PRKG1: variants seen among roughly 807,000 people sequenced by gnomAD.
PRKG1 encodes protein kinase cGMP-dependent 1.
Under a neutral mutation model 88.1 loss-of-function variants are expected in PRKG1, and 35 were observed. The observed-to-expected ratio is 0.40, with a 90% confidence interval of 0.30 to 0.53. The LOEUF is 0.53. Among genes scored for constraint, PRKG1 ranks in the 20% least tolerant of loss-of-function variants. PRKG1 has a pLI of 0.59. For synonymous variants in PRKG1, 303 were observed against 292.5 expected, an observed-to-expected ratio of 1.04 and a Z score of -0.37; for missense variants, 540 against 839.8, an observed-to-expected ratio of 0.64 and a Z score of 4.41.
intron 3 of PRKG1, among the ~76,000 whole-genome samples, chr10:51,779,793 AT>A (rs960154042): frequency 6.6e-6 from 1 of 151,954 alleles, no homozygotes; most frequent in African/African-American, 2.4e-5. Context: ...GACTGGTGAC[AT>A]TTTTTTCTTT....
intron 1 of PRKG1, among the ~76,000 whole-genome samples, chr10:51,082,225 GC>G (rs1844129636): frequency 6.6e-6 from 1 of 152,164 alleles, no homozygotes; most frequent in Non-Finnish European, 1.5e-5. Flanking sequence ...TTTCTCCTTA[GC>G]CACTAGGCTC....
In PRKG1 at chr10:51,599,954, C is replaced by CAT. The variant is rs139420069; in HGVS notation, c.592+132119_592+132120dup. Among the ~76,000 whole-genome samples the CAT allele has an allele frequency of 2.3e-3, 349 of 152,266 alleles. 2 individuals carry two copies. The highest frequency in any genetic ancestry group is 7.8e-3 in the African/African-American group (326 of 41,562). Reference sequence around the variant, plus strand: ...ATGCATATTTGTGTGCTTCTACTTGCATGCCTTATAGAAGACTAGACTATA... The same window carrying CAT: ...ATGCATATTTGTGTGCTTCTACTTGCATATGCCTTATAGAAGACTAGACTATA... On this transcript the variant is annotated intron_variant, in intron 3 of 17. Transcript: ENST00000373980.
At chr10:51,488,655 A>G (rs1840613981) in intron 3 of PRKG1, among the ~76,000 whole-genome samples, 1 of 152,158 alleles carries the variant, frequency 6.6e-6, no homozygotes, top group Non-Finnish European at 1.5e-5. Context: ...CTACTATCCA[A>G]TACTAAGTAG....
intron 7 of PRKG1, among the ~76,000 whole-genome samples, chr10:52,066,500 C>T (rs1846357727): frequency 6.6e-6 from 1 of 152,122 alleles, no homozygotes; most frequent in African/African-American, 2.4e-5. Context: ...CGAATGATGT[C>T]CAATCTTAAA....
chr10:51,256,024 CA>C (rs1337462812), intron 2 of PRKG1, among the ~76,000 whole-genome samples: 45 of 152,216 alleles, frequency 3.0e-4, no homozygotes, highest in African/African-American at 1.1e-3. Context: ...ACCTTATTTA[CA>C]AAATGTCCCC....
chr10:51,256,085 A>T (rs982980917), intron 2 of PRKG1, among the ~76,000 whole-genome samples: 2 of 152,084 alleles, frequency 1.3e-5, no homozygotes, highest in African/African-American at 4.8e-5. Flanking sequence ...CTTGCAAGTG[A>T]AGATAAATTT....
At chr10:51,495,092 T>C (rs976882101) in intron 3 of PRKG1, among the ~76,000 whole-genome samples, 2 of 152,072 alleles carry the variant, frequency 1.3e-5, no homozygotes, top group Non-Finnish European at 2.9e-5. Flanking sequence ...ACCAATGTGA[T>C]ATCTGAATCT....
chr10:51,171,026 C>T (rs1846690030), intron 2 of PRKG1, among the ~76,000 whole-genome samples: 2 of 151,982 alleles, frequency 1.3e-5, no homozygotes, highest in Admixed American at 6.6e-5. Flanking sequence ...AATGATGACT[C>T]GGACTAAGGT....
intron 3 of PRKG1, among the ~76,000 whole-genome samples, chr10:51,596,344 T>G (rs1322297570): frequency 6.6e-6 from 1 of 152,190 alleles, no homozygotes; most frequent in Non-Finnish European, 1.5e-5. Context: ...TGGTATCACC[T>G]TCTTCTCAAT....
intron 3 of PRKG1, among the ~76,000 whole-genome samples, chr10:51,686,221 C>T (rs2132380934): frequency 6.6e-6 from 1 of 152,250 alleles, no homozygotes; most frequent in South Asian, 2.1e-4. Context: ...TGTCGCGGGG[C>T]TTTGGTGTAC....
In PRKG1 at chr10:51,948,207, G is replaced by A. The variant is rs371083666; in HGVS notation, c.762+40637G>A. ...AAAACATGTATTTCAGGAGTTTCAT[G>A]TACTGAGAATATTTTATTGCCATAC... On this transcript the variant is annotated intron_variant, in intron 5 of 17. Transcript: ENST00000373980. 6.0e-4 allele frequency among the ~76,000 whole-genome samples: 92 copies of A among 152,166 alleles called. 3 individuals are homozygous for A. The highest frequency in any genetic ancestry group is 5.4e-3 in the South Asian group (26 of 4,814).
intron 4 of PRKG1, among the ~76,000 whole-genome samples, chr10:51,837,204 G>A (rs12255042): frequency 0.097 from 14,804 of 152,172 alleles, 2,285 homozygotes; most frequent in African/African-American, 0.33. Flanking sequence ...ACAGCCTACA[G>A]AAATTATTTG....
At chr10:52,167,372 C>T (rs139799016) in intron 9 of PRKG1, among the ~76,000 whole-genome samples, 277 of 152,228 alleles carry the variant, frequency 1.8e-3, no homozygotes, top group African/African-American at 5.2e-3. Flanking sequence ...ACCCAAACAC[C>T]TCCCATCAGG....
chr10:51,363,562 A>T (rs1264553542), intron 2 of PRKG1, among the ~76,000 whole-genome samples: 1 of 151,934 alleles, frequency 6.6e-6, no homozygotes, highest in African/African-American at 2.4e-5. Flanking sequence ...CTCCCAGGGG[A>T]CTTAGTGACT....
intron 2 of PRKG1, among the ~76,000 whole-genome samples, chr10:51,422,358 C>T (rs1403172954): frequency 2.0e-5 from 3 of 152,336 alleles, no homozygotes; most frequent in South Asian, 2.1e-4. Context: ...GAGTCCTAGA[C>T]GTTTAGCATG....
chr10:51,831,816 C>G (rs1589331262), intron 4 of PRKG1, among the ~76,000 whole-genome samples: 1 of 152,064 alleles, frequency 6.6e-6, no homozygotes, highest in African/African-American at 2.4e-5. Context: ...AGAATTTAGT[C>G]ACCTTGTTGC....
chr10:52,267,410 A>G (rs1379507624), intron 10 of PRKG1, among the ~76,000 whole-genome samples: 4 of 152,110 alleles, frequency 2.6e-5, no homozygotes, highest in Non-Finnish European at 5.9e-5. Context: ...GACAATAATA[A>G]TAAATAGCTA....
intron 9 of PRKG1, among the ~76,000 whole-genome samples, chr10:52,194,650 T>C (rs1839459732): frequency 6.6e-6 from 1 of 152,162 alleles, no homozygotes; most frequent in South Asian, 2.1e-4. Flanking sequence ...GAACAGTGTT[T>C]GATCAATGAA....
intron 3 of PRKG1, among the ~76,000 whole-genome samples, chr10:51,668,643 A>C (rs1478885909): frequency 6.6e-6 from 1 of 152,210 alleles, no homozygotes; most frequent in Non-Finnish European, 1.5e-5. Flanking sequence ...TTAAGACCTT[A>C]AGAAATCATT....
Sources: allele counts gnomAD v4.1 joint callset (sites outside exome capture counted in the v4.1 genomes callset), GRCh38; gene constraint gnomAD v4.1.1; transcripts MANE v1.5; gene names NCBI Gene and HGNC (gene_info 2026-07-23, HGNC 2026-07-21).